FAM47E: variants seen among roughly 807,000 people sequenced by gnomAD.
FAM47E encodes protein FAM47E.
Under a neutral mutation model 41.6 loss-of-function variants are expected in FAM47E, and 32 were observed. The observed-to-expected ratio is 0.77, with a 90% CI of 0.58 to 1.03. The LOEUF is 1.03. Among genes scored for constraint, FAM47E ranks in the 50% least tolerant of loss-of-function variants. The pLI is 0.00. For synonymous variants in FAM47E, 184 were observed against 188.7 expected (o/e 0.98, Z 0.20); for missense variants, 424 against 485.4 (o/e 0.87, Z 1.19).
At chr4:76,239,318 C>T (rs1733659091) in intron 2 of FAM47E, among the ~76,000 whole-genome samples, 1 of 152,152 alleles carries the variant, frequency 6.6e-6, no homozygotes, top group African/African-American at 2.4e-5. Flanking sequence ...CCATTTTACA[C>T]TGGTGGTGCC....
chr4:76,252,193 G>C (rs1373240305), intron 1 of FAM47E, among the ~76,000 whole-genome samples: 1 of 152,118 alleles, frequency 6.6e-6, no homozygotes, highest in Non-Finnish European at 1.5e-5. Context: ...GGGGCGCCTG[G>C]AGCCCTGTAT....
chr4:76,234,164 TCCCGAAA>T (rs975571667), intron 2 of FAM47E: 22 of 151,930 alleles, frequency 1.4e-4, no homozygotes, highest in African/African-American at 5.3e-4. Context: ...CACTGGTCCA[TCCCGAAA>T]AAGGAAAGAA....
At chr4:76,257,375 A>C (rs930057051) in intron 2 of FAM47E, among the ~76,000 whole-genome samples, 1 of 152,106 alleles carries the variant, frequency 6.6e-6, no homozygotes, top group Admixed American at 6.6e-5. Context: ...CAGTGACTGC[A>C]ACTCCATCCG....
At chr4:76,246,622 A>G (rs1733833179) in intron 2 of FAM47E, among the ~76,000 whole-genome samples, 1 of 152,146 alleles carries the variant, frequency 6.6e-6, no homozygotes, top group Non-Finnish European at 1.5e-5. Context: ...GTACTAACAT[A>G]TCCACCAACT....
At chr4:76,273,713 T>G (rs1734985706) in intron 5 of FAM47E, among the ~76,000 whole-genome samples, 1 of 152,098 alleles carries the variant, frequency 6.6e-6, no homozygotes, top group Admixed American at 6.5e-5. Context: ...ACTTTTTTTT[T>G]GTTGTTTTTC....
chr4:76,224,089 G>A (rs892647844), intron 2 of FAM47E, among the ~76,000 whole-genome samples: 4 of 152,212 alleles, frequency 2.6e-5, no homozygotes, highest in Admixed American at 6.5e-5. Flanking sequence ...AGAATGTGAC[G>A]TGCATCACAG....
At chr4:76,220,504 A>G (rs1733288945) in intron 2 of FAM47E, among the ~76,000 whole-genome samples, 1 of 152,156 alleles carries the variant, frequency 6.6e-6, no homozygotes, top group Non-Finnish European at 1.5e-5. Context: ...GCATGCACCT[A>G]TAGTCCCAGC....
chr4:76,274,935 C>T (rs937024806), intron 5 of FAM47E, among the ~76,000 whole-genome samples: 5 of 152,198 alleles, frequency 3.3e-5, no homozygotes, highest in Non-Finnish European at 5.9e-5. Flanking sequence ...TCAGAGAGTC[C>T]ATTGGGCTCC....
chr4:76,258,408 A>T (rs1005997651), intron 2 of FAM47E, among the ~76,000 whole-genome samples: 1 of 152,174 alleles, frequency 6.6e-6, no homozygotes, highest in Non-Finnish European at 1.5e-5. Flanking sequence ...CAGACCATGC[A>T]GGTTGAGAGT....
At chr4:76,255,481 T>G (rs995387056) in intron 1 of FAM47E, among the ~76,000 whole-genome samples, 1 of 152,290 alleles carries the variant, frequency 6.6e-6, no homozygotes, top group Admixed American at 6.5e-5. Context: ...GTTGGCCCAA[T>G]GTAGCCCATG....
chr4:76,232,120 A>T (rs1474576334), intron 2 of FAM47E, among the ~76,000 whole-genome samples: 1 of 152,270 alleles, frequency 6.6e-6, no homozygotes, highest in Non-Finnish European at 1.5e-5. Flanking sequence ...AATTTTGGTT[A>T]CAGAAGTATA....
At chr4:76,228,537 G>A (rs565139516) in intron 2 of FAM47E, among the ~76,000 whole-genome samples, 1 of 151,734 alleles carries the variant, frequency 6.6e-6, no homozygotes, top group African/African-American at 2.4e-5. Context: ...ATTTCTTGTA[G>A]TGCTGGCTTG....
intron 5 of FAM47E, among the ~76,000 whole-genome samples, chr4:76,276,522 G>A (rs1051704608): frequency 2.6e-5 from 4 of 152,012 alleles, no homozygotes; most frequent in Admixed American, 1.3e-4. Context: ...ACAGGCATGC[G>A]CCACCATGCC....
upstream of FAM47E, among the ~76,000 whole-genome samples, chr4:76,249,389 TA>T (rs1733902337): frequency 1.3e-5 from 2 of 152,280 alleles, no homozygotes; most frequent in Non-Finnish European, 1.5e-5. Flanking sequence ...TTTTGCTAAA[TA>T]TTTTTAAAAG....
intron 2 of FAM47E, among the ~76,000 whole-genome samples, chr4:76,258,167 T>C (rs924272593): frequency 3.9e-5 from 6 of 152,210 alleles, no homozygotes; most frequent in African/African-American, 1.4e-4. Flanking sequence ...GGCTTCCTGC[T>C]GAAGCAGGAT....
At chr4:76,228,823 T>C (rs1052728633) in intron 2 of FAM47E, among the ~76,000 whole-genome samples, 1 of 152,222 alleles carries the variant, frequency 6.6e-6, no homozygotes, top group Non-Finnish European at 1.5e-5. Flanking sequence ...GATGACTATG[T>C]GCCCAGGTAA....
chr4:76,259,605 G>A (rs1468221581), intron 2 of FAM47E, among the ~76,000 whole-genome samples: 1 of 152,068 alleles, frequency 6.6e-6, no homozygotes, highest in East Asian at 1.9e-4. Context: ...TGGATTTCTT[G>A]GAACTCCCAA....
intron 1 of FAM47E, among the ~76,000 whole-genome samples, chr4:76,255,594 T>A (rs1734153883): frequency 6.6e-6 from 1 of 152,124 alleles, no homozygotes. Context: ...GAGTTGTCAG[T>A]GGGATCCAGG....
At chr4:76,238,821 A>C (rs1733641816) in intron 2 of FAM47E, among the ~76,000 whole-genome samples, 2 of 152,226 alleles carry the variant, frequency 1.3e-5, no homozygotes, top group Admixed American at 1.3e-4. Flanking sequence ...AGTGGCATTA[A>C]GTACAATCAT....
Sources: gnomAD v4.1 joint callset for allele counts (sites outside exome capture counted in the v4.1 genomes callset) on GRCh38, gnomAD v4.1.1 for gene constraint, MANE v1.5 for transcripts, NCBI Gene and HGNC (gene_info 2026-07-23, HGNC 2026-07-21) for gene names.